The following MARCHF1 variants were observed in gnomAD, a reference collection of about 807,000 sequenced individuals.
MARCHF1 encodes the protein membrane associated ring-CH-type finger 1.
In MARCHF1, 40 loss-of-function variants were observed where a neutral mutation model predicts 54.2. The observed-to-expected ratio is 0.74, with a 90% CI of 0.57 to 0.96. The LOEUF (loss-of-function observed/expected upper bound fraction) is 0.96. MARCHF1 is among the 40% of genes least tolerant of loss of function. The pLI is 0.00. For missense variants in MARCHF1, 586 were observed against 656.5 expected (o/e 0.89, Z 1.17); for synonymous variants, 236 against 236.3 (o/e 1.00, Z 0.01).
chr4:163,699,941 T>C (rs1263582162), intron 5 of MARCHF1, among the ~76,000 whole-genome samples: 2 of 150,758 alleles, frequency 1.3e-5, no homozygotes, highest in Non-Finnish European at 3.0e-5. Context: ...CTTAGATTTA[T>C]ATACAGTCTA....
At chr4:163,623,495 T>C (rs1385045473) in intron 5 of MARCHF1, among the ~76,000 whole-genome samples, 4 of 152,184 alleles carry the variant, frequency 2.6e-5, no homozygotes, top group South Asian at 2.1e-4. Flanking sequence ...TTATTCCTGA[T>C]TCTATGAGAA....
intron 4 of MARCHF1, among the ~76,000 whole-genome samples, chr4:163,811,907 A>C (rs1748398593): frequency 1.3e-5 from 2 of 152,174 alleles, no homozygotes. Context: ...GTGTGTCTGC[A>C]GAGGGATTTC....
intron 1 of MARCHF1, among the ~76,000 whole-genome samples, chr4:164,111,997 G>A (rs555779741): frequency 6.6e-6 from 1 of 151,946 alleles, no homozygotes; most frequent in South Asian, 2.1e-4. Flanking sequence ...GCCAAACAAT[G>A]TAAGACACTC....
At chr4:164,048,039 T>G (rs1754277774) in intron 2 of MARCHF1, among the ~76,000 whole-genome samples, 1 of 152,120 alleles carries the variant, frequency 6.6e-6, no homozygotes, top group Non-Finnish European at 1.5e-5. Flanking sequence ...GTTAAAAAAT[T>G]TAAGCAAAAG....
At chr4:163,795,638 C>T (rs142114314) in intron 4 of MARCHF1, among the ~76,000 whole-genome samples, 10 of 152,230 alleles carry the variant, frequency 6.6e-5, no homozygotes, top group Admixed American at 2.0e-4. Flanking sequence ...TGTCATTTCC[C>T]GGCAGAAATG....
chr4:164,142,546 C>T (rs1325040931), intron 1 of MARCHF1, among the ~76,000 whole-genome samples: 1 of 152,118 alleles, frequency 6.6e-6, no homozygotes, highest in African/African-American at 2.4e-5. Context: ...TGGGAGGCAC[C>T]CCCCAGCAGG....
intron 9 of MARCHF1, among the ~76,000 whole-genome samples, chr4:163,537,636 C>T (rs1738582666): frequency 6.6e-6 from 1 of 152,130 alleles, no homozygotes; most frequent in Admixed American, 6.5e-5. Context: ...AAACTCTCTG[C>T]CCATCTTTAC....
intron 3 of MARCHF1, among the ~76,000 whole-genome samples, chr4:163,861,406 TA>T (rs1482495160): frequency 1.3e-5 from 2 of 152,154 alleles, no homozygotes; most frequent in Admixed American, 1.3e-4. Context: ...GACACAAGGT[TA>T]ATATACAAAG....
intron 8 of MARCHF1, among the ~76,000 whole-genome samples, chr4:163,557,911 A>C (rs1478015459): frequency 6.6e-6 from 1 of 152,240 alleles, no homozygotes. Flanking sequence ...CAAGGAGGTA[A>C]GGTTCAGCGT....
chr4:163,854,942 A>G (rs1749733932), intron 3 of MARCHF1, among the ~76,000 whole-genome samples: 2 of 152,158 alleles, frequency 1.3e-5, no homozygotes, highest in African/African-American at 4.8e-5. Flanking sequence ...CACCACCCTC[A>G]GTAATTAGAA....
intron 1 of MARCHF1, among the ~76,000 whole-genome samples, chr4:164,118,388 A>T (rs1469020317): frequency 2.6e-5 from 4 of 151,140 alleles, no homozygotes; most frequent in African/African-American, 9.7e-5. Context: ...ATACAAAGTT[A>T]AAAGAAAGTG....
chr4:163,539,083 C>T (rs561730854), intron 9 of MARCHF1, among the ~76,000 whole-genome samples: 34 of 152,106 alleles, frequency 2.2e-4, no homozygotes, highest in Non-Finnish European at 3.1e-4. Context: ...TGCAGTGGTG[C>T]GATCTCAGCT....
chr4:163,969,572 A>G (rs1369610947), intron 3 of MARCHF1, among the ~76,000 whole-genome samples: 2 of 152,140 alleles, frequency 1.3e-5, no homozygotes, highest in African/African-American at 2.4e-5. Flanking sequence ...CTCAGACGGT[A>G]TGTTCATCCT....
chr4:164,303,453 C>T (rs77823065), intron 1 of MARCHF1, among the ~76,000 whole-genome samples: 2,799 of 152,210 alleles, frequency 0.018, 62 homozygotes, highest in East Asian at 0.091. Flanking sequence ...TTTAACTTTT[C>T]GGAGCTTAGT....
At chr4:163,799,453 A>G (rs1281984244) in intron 4 of MARCHF1, among the ~76,000 whole-genome samples, 3 of 152,126 alleles carry the variant, frequency 2.0e-5, no homozygotes, top group Non-Finnish European at 4.4e-5. Context: ...GAAAGGCAAG[A>G]ATAATTTAAA....
At chr4:163,739,393 T>A (rs1380883021) in intron 4 of MARCHF1, among the ~76,000 whole-genome samples, 1 of 152,210 alleles carries the variant, frequency 6.6e-6, no homozygotes, top group Non-Finnish European at 1.5e-5. Flanking sequence ...TGAAGGCTGA[T>A]TATTATATAC....
At chr4:164,290,467 T>C (rs2111364853) in intron 1 of MARCHF1, among the ~76,000 whole-genome samples, 1 of 151,930 alleles carries the variant, frequency 6.6e-6, no homozygotes, top group East Asian at 1.9e-4. Context: ...CAAAAACCGA[T>C]GCCCTCCATT....
At chr4:164,197,334 G>T in intron 1 of MARCHF1, 1 of 1,612,462 alleles carries the variant, frequency 6.2e-7, no homozygotes, top group South Asian at 1.1e-5. Flanking sequence ...TTTCTCCGTA[G>T]TCGTTCAGGT....
At chr4:163,682,662 A>G (rs896693794) in intron 5 of MARCHF1, among the ~76,000 whole-genome samples, 2 of 152,170 alleles carry the variant, frequency 1.3e-5, no homozygotes, top group Admixed American at 1.3e-4. Context: ...TAATTGAATC[A>G]TGGGGGTGGT....
Sources: allele counts gnomAD v4.1 joint callset (sites outside exome capture counted in the v4.1 genomes callset), GRCh38; gene constraint gnomAD v4.1.1; transcripts MANE v1.5; gene names NCBI Gene and HGNC (gene_info 2026-07-23, HGNC 2026-07-21).